SIPA1L2: variants seen among roughly 807,000 people sequenced by gnomAD.
SIPA1L2 encodes the protein signal-induced proliferation-associated 1-like protein 2.
A neutral mutation model predicts 163.9 loss-of-function variants in SIPA1L2; 56 were observed. The observed-to-expected ratio is 0.34, with a 90% CI of 0.28 to 0.43. The LOEUF (loss-of-function observed/expected upper bound fraction) is 0.43, where lower values mean the gene tolerates loss of function less well. SIPA1L2 is among the 20% of genes least tolerant of loss of function. SIPA1L2 has a pLI of 1.00. For missense variants in SIPA1L2, 1,974 were observed against 2,193.5 expected, an observed-to-expected ratio of 0.90 and a Z score of 2.00; for synonymous variants, 877 against 865.7, an observed-to-expected ratio of 1.01 and a Z score of -0.23.
chr1:232,617,011 A>G (rs1573181597), intron 1 of SIPA1L2, among the ~76,000 whole-genome samples: 1 of 152,258 alleles, frequency 6.6e-6, no homozygotes, highest in Non-Finnish European at 1.5e-5. Context: ...ATATTATCAT[A>G]AAACTGAACT....
At chr1:232,593,222 C>A (rs55860225) in intron 1 of SIPA1L2, among the ~76,000 whole-genome samples, 4 of 152,036 alleles carry the variant, frequency 2.6e-5, no homozygotes, top group Admixed American at 2.0e-4. Flanking sequence ...ATATTCAACT[C>A]TCTCATAGAG....
At chr1:232,590,905 A>C (rs1014928863) in intron 1 of SIPA1L2, among the ~76,000 whole-genome samples, 1 of 152,230 alleles carries the variant, frequency 6.6e-6, no homozygotes, top group Non-Finnish European at 1.5e-5. Context: ...GACAATACAA[A>C]CAGGAAGGAC....
chr1:232,488,576 G>A (rs4649379), intron 5 of SIPA1L2, among the ~76,000 whole-genome samples: 38,281 of 152,054 alleles, frequency 0.25, 4,950 homozygotes, highest in Admixed American at 0.35. Flanking sequence ...TTTGAACATC[G>A]TTAAGAAAGT....
intron 1 of SIPA1L2, among the ~76,000 whole-genome samples, chr1:232,582,076 T>C (rs6424235): frequency 0.26 from 39,199 of 152,158 alleles, 5,133 homozygotes; most frequent in Non-Finnish European, 0.26. Flanking sequence ...TAATAAATGG[T>C]TGGTGAAATG....
At chr1:232,549,053 A>T (rs1429386214) in intron 2 of SIPA1L2, among the ~76,000 whole-genome samples, 1 of 152,146 alleles carries the variant, frequency 6.6e-6, no homozygotes, top group African/African-American at 2.4e-5. Context: ...AAGGAGGAGG[A>T]GCTTCCCCTT....
At chr1:232,572,756 T>TAC (rs1659850348) in intron 2 of SIPA1L2, among the ~76,000 whole-genome samples, 1 of 67,172 alleles carries the variant, frequency 1.5e-5, no homozygotes, top group African/African-American at 5.9e-5. Flanking sequence ...TATATATATA[T>TAC]ATATATATAT....
rs181063611 is a variant in SIPA1L2, at chr1:232,587,881, C to T, written c.-318-13659G>A. Among the ~76,000 whole-genome samples, 104 of 152,278 alleles carry T rather than the reference C, an allele frequency of 6.8e-4. 1 individual carries two copies. Among genetic ancestry groups the T allele is most frequent in the South Asian group, 8.3e-4 (4 of 4,832 alleles). On this transcript the variant is annotated intron_variant, in intron 1 of 22. Coordinates refer to ENST00000674635, the MANE Select transcript of SIPA1L2 (RefSeq NM_020808.5). ...ATGGTTTTAGAAGGGGAAATCCCTT[C>T]CACTTGGCTCTCACTCTTCTCTTAT...
chr1:232,501,224 A>G (rs1572992059), intron 3 of SIPA1L2, among the ~76,000 whole-genome samples: 1 of 152,092 alleles, frequency 6.6e-6, no homozygotes, highest in East Asian at 1.9e-4. Flanking sequence ...CACCCGGCTA[A>G]TGCAATGAAG....
chr1:232,563,955 T>TGTGTGTGTGTGTGTG (rs1558270699), intron 2 of SIPA1L2, among the ~76,000 whole-genome samples: 1 of 116,700 alleles, frequency 8.6e-6, no homozygotes, highest in Non-Finnish European at 1.7e-5. Context: ...TTTTTTTTTT[T>TGTGTGTGTGTGTGTG]CGTGTGTGTG....
At chr1:232,618,523 G>A (rs1345279009) in intron 1 of SIPA1L2, among the ~76,000 whole-genome samples, 4 of 151,996 alleles carry the variant, frequency 2.6e-5, no homozygotes, top group African/African-American at 4.8e-5. Flanking sequence ...GCATGGTGGC[G>A]TGCGCCTATA....
intron 1 of SIPA1L2, among the ~76,000 whole-genome samples, chr1:232,618,083 C>CAAA (rs1662599736): frequency 6.6e-6 from 1 of 152,170 alleles, no homozygotes; most frequent in Non-Finnish European, 1.5e-5. Context: ...TTCAGCTTTT[C>CAAA]TGTAAGATTG....
chr1:232,491,079 T>C lies in SIPA1L2; in HGVS notation c.1618-17A>G, dbSNP rs1558218881. The C allele has an allele frequency of 1.2e-6, 2 of 1,604,066 alleles. No homozygotes were observed. Among genetic ancestry groups the C allele is most frequent in the South Asian group, 2.2e-5 (2 of 89,702 alleles). On this transcript the variant is annotated splice_polypyrimidine_tract_variant and intron_variant, in intron 4 of 22. Transcript: ENST00000674635. ...TGTTGTAAGCTGCAGTGACAAAACATAAGACTTCGGTTAATATTGATTCTC... is the reference window on the plus strand; with the variant it reads ...TGTTGTAAGCTGCAGTGACAAAACACAAGACTTCGGTTAATATTGATTCTC...
chr1:232,405,420 C>T (rs555910345), intron 19 of SIPA1L2, among the ~76,000 whole-genome samples: 2 of 152,352 alleles, frequency 1.3e-5, no homozygotes, highest in South Asian at 4.1e-4. Flanking sequence ...GCATAGTAGG[C>T]TTTTTGCATA....
At chr1:232,491,300 G>A (rs754995234) in intron 4 of SIPA1L2, among the ~76,000 whole-genome samples, 18 of 152,256 alleles carry the variant, frequency 1.2e-4, no homozygotes, top group Admixed American at 4.6e-4. Context: ...GCAGATGTAT[G>A]CCTAAGAATG....
rs867634147 is a variant in SIPA1L2, at chr1:232,487,950, A to G, written c.1806+2924T>C. Reference sequence around the variant, plus strand: ...CACACACACACACACACACACACACACACACGCACACATATTTTTTTGAGA... The same window carrying G: ...CACACACACACACACACACACACACGCACACGCACACATATTTTTTTGAGA... On this transcript the variant is annotated intron_variant, in intron 5 of 22. Coordinates refer to ENST00000674635, the MANE Select transcript of SIPA1L2 (RefSeq NM_020808.5). Among the ~76,000 whole-genome samples the G allele has an allele frequency of 9.9e-3, 1,504 of 151,396 alleles. 25 individuals are homozygous for G. Among genetic ancestry groups the G allele is most frequent in the African/African-American group, 0.034 (1,389 of 41,026 alleles).
At chr1:232,600,722 G>A (rs1056556354) in intron 1 of SIPA1L2, among the ~76,000 whole-genome samples, 3 of 152,272 alleles carry the variant, frequency 2.0e-5, no homozygotes, top group African/African-American at 2.4e-5. Flanking sequence ...TGGGTAGGAC[G>A]CTCAGCCGGA....
intron 2 of SIPA1L2, among the ~76,000 whole-genome samples, chr1:232,571,098 T>C (rs915942475): frequency 6.6e-6 from 1 of 152,094 alleles, no homozygotes; most frequent in African/African-American, 2.4e-5. Flanking sequence ...GTTTGTTACA[T>C]GTGACAAAAG....
chr1:232,462,547 G>A (rs542798118), intron 9 of SIPA1L2: 50 of 378,848 alleles, frequency 1.3e-4, no homozygotes, highest in Admixed American at 7.9e-4. Context: ...AGCAAAATGC[G>A]GAAAGGGGAC....
chr1:232,619,785 C>A (rs926440541), intron 1 of SIPA1L2, among the ~76,000 whole-genome samples: 2 of 152,192 alleles, frequency 1.3e-5, no homozygotes, highest in Non-Finnish European at 2.9e-5. Context: ...ATAGTCACTG[C>A]CCCAGAAAGC....
Sources: allele counts gnomAD v4.1 joint callset (sites outside exome capture counted in the v4.1 genomes callset), GRCh38; gene constraint gnomAD v4.1.1; transcripts MANE v1.5; gene names NCBI Gene and HGNC (gene_info 2026-07-23, HGNC 2026-07-21).